Variants in OTUD7B observed in about 807,000 individuals in gnomAD.
The protein encoded by OTUD7B is OTU deubiquitinase 7B, also known as OTU domain-containing protein 7B.
A neutral mutation model predicts 82.2 loss-of-function variants in OTUD7B; 34 were observed. The ratio of observed to expected loss-of-function variants is 0.41; its 90% CI spans 0.31 to 0.55. The LOEUF is 0.55. OTUD7B is among the 20% of genes least tolerant of loss of function. The probability of loss-of-function intolerance (pLI) is 0.20; values close to 1 mark genes in which losing one functional copy is unlikely to be tolerated. For synonymous variants in OTUD7B, 398 were observed against 402.7 expected (o/e 0.99, Z 0.14); for missense variants, 944 against 1,062.1 (o/e 0.89, Z 1.55).
chr1:150,022,426 A>AAAAAAAAAAAT, the OTUD7B span, among the ~76,000 whole-genome samples: 1 of 100,828 alleles, frequency 9.9e-6, no homozygotes, highest in Non-Finnish European at 1.9e-5. Flanking sequence ...AAAAAAAATA[A>AAAAAAAAAAAT]CTACATGCTG....
intron 2 of OTUD7B, among the ~76,000 whole-genome samples, chr1:149,971,968 T>G (rs925380677): frequency 6.6e-6 from 1 of 152,214 alleles, no homozygotes; most frequent in Non-Finnish European, 1.5e-5. Context: ...CTGTCCTACC[T>G]CCGATCCATT....
intron 1 of OTUD7B, among the ~76,000 whole-genome samples, chr1:149,990,645 T>A (rs76739629): frequency 0.033 from 5,004 of 152,322 alleles, 188 homozygotes; most frequent in East Asian, 0.13. Flanking sequence ...AATTAAATAC[T>A]TTTTGAGGTT....
chr1:149,952,587 A>C (rs1426533505), intron 7 of OTUD7B, among the ~76,000 whole-genome samples: 1 of 152,232 alleles, frequency 6.6e-6, no homozygotes, highest in Non-Finnish European at 1.5e-5. Context: ...GCTACGTCAA[A>C]TGGGATTTCT....
At chr1:149,949,991 A>C in intron 8 of OTUD7B, 103 bp downstream of exon 8, 1 of 1,488,088 alleles carries the variant, frequency 6.7e-7, no homozygotes, top group Non-Finnish European at 9.1e-7. Context: ...CTTTTTCCCC[A>C]AGGGTCTATA....
chr1:149,940,510 T>C lies in OTUD7B; in HGVS notation c.*3347A>G, dbSNP rs2092754217. 6.6e-6 allele frequency: 1 copy of C among 152,134 alleles called. No homozygotes were observed. Among genetic ancestry groups the C allele is most frequent in the Non-Finnish European group, 1.5e-5 (1 of 68,046 alleles). 9.4% of individuals were successfully genotyped at this position (152,134 alleles called of 1,614,324 possible). ...GAGCACAGCAGGGAGGGAGTAGCAC[T>C]GTCTAACATCAAAAAGGGAAAAACA... On this transcript the variant is annotated 3_prime_UTR_variant, in exon 12 of 12. Transcript: ENST00000581312.
chr1:150,049,367 T>A, the OTUD7B span, among the ~76,000 whole-genome samples: 1 of 152,256 alleles, frequency 6.6e-6, no homozygotes, highest in African/African-American at 2.4e-5. Context: ...CCAATATTAT[T>A]CCTAAATTAA....
chr1:150,035,037 A>T, the OTUD7B span, among the ~76,000 whole-genome samples: 1 of 151,774 alleles, frequency 6.6e-6, no homozygotes, highest in South Asian at 2.1e-4. Flanking sequence ...CCAGCTACTC[A>T]GGAGGATGAG....
rs1015480028 is a variant in OTUD7B at position 149,943,124 on chromosome 1, T to A, written c.*733A>T. 2.0e-5 allele frequency: 3 copies of A among 152,558 alleles called. No homozygotes were observed. The highest frequency in any genetic ancestry group is 2.0e-4 in the Admixed American group (3 of 15,268). The allele number at this position is 152,558 out of a possible 1,614,324, so 9.5% of individuals were successfully genotyped here. A position where few individuals can be genotyped will look rare whatever the true frequency, so the allele number is the denominator to read the frequency against. On this transcript the variant is annotated 3_prime_UTR_variant, in exon 12 of 12. Coordinates refer to ENST00000581312, the MANE Select transcript of OTUD7B (RefSeq NM_020205.4). ...AAACAAATACAATTAAAGACTTAGA[T>A]GAGGAAAAGACAGGGGGTAATCAGC...
the OTUD7B span, among the ~76,000 whole-genome samples, chr1:150,060,931 T>C: frequency 6.6e-6 from 1 of 152,076 alleles, no homozygotes. Context: ...TTTTCTTTTC[T>C]TTTTTTTCTG....
chr1:149,994,982 C>G (rs1157552808), intron 1 of OTUD7B, among the ~76,000 whole-genome samples: 1 of 152,126 alleles, frequency 6.6e-6, no homozygotes, highest in Non-Finnish European at 1.5e-5. Flanking sequence ...CACTATAAAT[C>G]TTTGTTTACC....
At chr1:150,019,359 T>A in the OTUD7B span, among the ~76,000 whole-genome samples, 1 of 151,254 alleles carries the variant, frequency 6.6e-6, no homozygotes, top group African/African-American at 2.4e-5. Flanking sequence ...TGTCTTTGTT[T>A]TGTTTGTTTG....
At chr1:150,046,281 G>C in the OTUD7B span, among the ~76,000 whole-genome samples, 1 of 151,992 alleles carries the variant, frequency 6.6e-6, no homozygotes, top group African/African-American at 2.4e-5. Flanking sequence ...CCTGAGTCCA[G>C]CTACTCTCTC....
intron 1 of OTUD7B, among the ~76,000 whole-genome samples, chr1:150,006,746 C>T (rs1412635110): frequency 6.6e-6 from 1 of 152,198 alleles, no homozygotes; most frequent in East Asian, 1.9e-4. Context: ...CTTGAGACTT[C>T]CCCACAGGTT....
upstream of OTUD7B, among the ~76,000 whole-genome samples, chr1:150,014,056 A>G (rs1571757326): frequency 1.3e-5 from 1 of 77,354 alleles, no homozygotes; most frequent in Non-Finnish European, 2.5e-5. Context: ...GTGTGTATAT[A>G]TATGTGTGTG....
Position 149,964,206 on chromosome 1 carries a change from A to C in OTUD7B, c.732+16T>G, listed in dbSNP as rs1553776025. The C allele has an allele frequency of 3.7e-6, 6 of 1,609,666 alleles. No homozygotes were observed. The African/African-American group carries it at 6.7e-5, about 18-fold the overall frequency. Reference sequence around the variant, plus strand: ...TAACTTTAGGAAACAAGGCGCTCCCACCCACGCTCTCCCACCTCTTTATTC... The same window carrying C: ...TAACTTTAGGAAACAAGGCGCTCCCCCCCACGCTCTCCCACCTCTTTATTC... On this transcript the variant is annotated intron_variant, in intron 6 of 11. Transcript: ENST00000581312.
intron 7 of OTUD7B, among the ~76,000 whole-genome samples, chr1:149,956,394 C>T (rs1400123828): frequency 4.6e-5 from 7 of 152,122 alleles, no homozygotes; most frequent in East Asian, 1.9e-4. Context: ...GAGTTTCTGC[C>T]GAGAGATCTG....
At chr1:150,025,219 C>G in the OTUD7B span, among the ~76,000 whole-genome samples, 1 of 151,954 alleles carries the variant, frequency 6.6e-6, no homozygotes, top group Non-Finnish European at 1.5e-5. Context: ...GTCACGCGTT[C>G]GAGACCAGCC....
At chr1:150,051,412 GCT>G in the OTUD7B span, among the ~76,000 whole-genome samples, 6 of 151,496 alleles carry the variant, frequency 4.0e-5, no homozygotes, top group African/African-American at 1.5e-4. Context: ...TAAGTTTATT[GCT>G]CTCTTTTTTT....
chr1:149,945,157 G>C, intron 11 of OTUD7B, 92 bp from the exon 12 acceptor site: 1 of 1,487,672 alleles, frequency 6.7e-7, no homozygotes, highest in Middle Eastern at 1.9e-4. Context: ...TCTGGCTCAG[G>C]GAGCTCCCTG....
Sources: gnomAD v4.1 joint callset for allele counts (sites outside exome capture counted in the v4.1 genomes callset) on GRCh38, gnomAD v4.1.1 for gene constraint, MANE v1.5 for transcripts, NCBI Gene and HGNC (gene_info 2026-07-23, HGNC 2026-07-21) for gene names.